APP: variants seen among roughly 807,000 people sequenced by gnomAD.
APP encodes the protein amyloid-beta precursor protein.
A neutral mutation model predicts 101.4 loss-of-function variants in APP; 31 were observed. The observed-to-expected ratio is 0.31, with a 90% CI of 0.23 to 0.41. The LOEUF is 0.41. APP is among the 10% of genes least tolerant of loss of function. The pLI, the probability that APP is intolerant of heterozygous loss-of-function variation, is 1.00. For missense variants in APP, 839 were observed against 1,003.7 expected (o/e 0.84, Z 2.22); for synonymous variants, 366 against 364.4 (o/e 1.00, Z -0.05).
chr21:26,049,183 T>TG (rs1385257191), intron 5 of APP, among the ~76,000 whole-genome samples: 4 of 151,402 alleles, frequency 2.6e-5, no homozygotes, highest in African/African-American at 9.7e-5. Context: ...CCTGGGGGTG[T>TG]GGGGGAGAGG....
intron 16 of APP, among the ~76,000 whole-genome samples, chr21:25,893,151 G>T (rs983080708): frequency 3.4e-4 from 52 of 151,994 alleles, no homozygotes; most frequent in Admixed American, 3.0e-3. Context: ...AATTGTTTTG[G>T]AGTGTCATGA....
In APP at chr21:26,099,773, AG is replaced by A. The variant is rs1487312796; in HGVS notation, c.226-9702del. 3.5e-4 allele frequency among the ~76,000 whole-genome samples: 53 copies of A among 152,208 alleles called. 1 individual carries two copies. Among genetic ancestry groups the A allele is most frequent in the Admixed American group, 2.6e-4 (4 of 15,278 alleles). On this transcript the variant is annotated intron_variant, in intron 2 of 17. Transcript: ENST00000346798. ...AACGTTCTCTGCTTGCAACTTAATG[AG>A]GCGCTGAGAGGCAGCGTGCAGCTGA... is the stretch of plus-strand genomic sequence containing the variant.
At chr21:25,980,603 T>C (rs2042391158) in intron 9 of APP, among the ~76,000 whole-genome samples, 1 of 152,230 alleles carries the variant, frequency 6.6e-6, no homozygotes, top group African/African-American at 2.4e-5. Flanking sequence ...TAAGGCTTTT[T>C]TCCTCTTTAT....
chr21:25,906,693 G>C (rs972025453), intron 14 of APP, among the ~76,000 whole-genome samples: 17 of 152,082 alleles, frequency 1.1e-4, no homozygotes, highest in Admixed American at 1.0e-3. Context: ...GCAGCAACCT[G>C]TAATGAGTAA....
chr21:26,079,272 C>G (rs958288207), intron 3 of APP, among the ~76,000 whole-genome samples: 2 of 152,080 alleles, frequency 1.3e-5, no homozygotes, highest in Non-Finnish European at 2.9e-5. Flanking sequence ...GATTCCTCAT[C>G]ATAACCATTT....
At chr21:25,892,324 A>G (rs1229773855) in intron 16 of APP, among the ~76,000 whole-genome samples, 1 of 152,156 alleles carries the variant, frequency 6.6e-6, no homozygotes, top group Admixed American at 6.5e-5. Context: ...CTGAGCCCTG[A>G]TGTGTGACTC....
In APP at chr21:25,886,350, C is replaced by G. The variant is rs572671209; in HGVS notation, c.2212-4579G>C. On this transcript the variant is annotated intron_variant, in intron 17 of 17. Coordinates refer to ENST00000346798, the MANE Select transcript of APP (RefSeq NM_000484.4). ...AGTTGACTATGTTTATGGCCAACAT[C>G]AAGCAATTCTTCAGGCAGGTTCAGG... is the stretch of plus-strand genomic sequence containing the variant. Among the ~76,000 whole-genome samples the G allele has an allele frequency of 2.7e-3, 407 of 152,118 alleles. 3 individuals are homozygous for G. The highest frequency in any genetic ancestry group is 8.7e-3 in the South Asian group (42 of 4,804).
intron 13 of APP, among the ~76,000 whole-genome samples, chr21:25,922,868 G>C (rs992078535): frequency 2.1e-5 from 2 of 95,382 alleles, no homozygotes; most frequent in African/African-American, 4.8e-5. Context: ...TCACAGAATT[G>C]GAAAAAACTA....
intron 2 of APP, among the ~76,000 whole-genome samples, chr21:26,100,616 C>A (rs888109882): frequency 2.0e-5 from 3 of 152,132 alleles, no homozygotes; most frequent in Non-Finnish European, 4.4e-5. Flanking sequence ...GTCTGGGAAT[C>A]CCATGTTCAG....
chr21:25,961,361 G>C (rs547221917), intron 11 of APP, among the ~76,000 whole-genome samples: 1 of 152,308 alleles, frequency 6.6e-6, no homozygotes, highest in South Asian at 2.1e-4. Flanking sequence ...TCCTGAGGCC[G>C]TGTCACAGGT....
intron 6 of APP, among the ~76,000 whole-genome samples, chr21:26,000,477 G>A (rs564340477): frequency 3.3e-5 from 5 of 152,258 alleles, no homozygotes; most frequent in South Asian, 4.2e-4. Flanking sequence ...ATGAAATGAC[G>A]GAAGGTATCT....
intron 1 of APP, among the ~76,000 whole-genome samples, chr21:26,154,745 C>T (rs1292692378): frequency 3.3e-5 from 5 of 152,144 alleles, no homozygotes; most frequent in African/African-American, 4.8e-5. Flanking sequence ...TTTTGAACAA[C>T]TCAACATCTC....
intron 2 of APP, among the ~76,000 whole-genome samples, chr21:26,103,418 T>TGG (rs1212971712): frequency 6.6e-6 from 1 of 151,900 alleles, no homozygotes; most frequent in Non-Finnish European, 1.5e-5. Flanking sequence ...CTAGCCAACA[T>TGG]GGTGAAACCC....
intron 14 of APP, among the ~76,000 whole-genome samples, chr21:25,911,211 C>T (rs186669951): frequency 1.3e-5 from 2 of 152,246 alleles, no homozygotes; most frequent in East Asian, 3.9e-4. Context: ...CTTTATGTAT[C>T]CACTTTTGTT....
At chr21:26,146,501 T>C (rs577288604) in intron 1 of APP, among the ~76,000 whole-genome samples, 2 of 152,256 alleles carry the variant, frequency 1.3e-5, no homozygotes, top group Non-Finnish European at 2.9e-5. Flanking sequence ...TACTATAAAA[T>C]TCTTTGCCTT....
chr21:26,164,812 C>G (rs537523960), intron 1 of APP, among the ~76,000 whole-genome samples: 38 of 148,944 alleles, frequency 2.6e-4, no homozygotes, highest in African/African-American at 9.2e-4. Context: ...GCCGAGATCG[C>G]GCCACTGCAC....
At chr21:26,107,212 G>A (rs1056186993) in intron 2 of APP, among the ~76,000 whole-genome samples, 5 of 152,122 alleles carry the variant, frequency 3.3e-5, no homozygotes, top group Non-Finnish European at 7.4e-5. Flanking sequence ...GGATACTGCA[G>A]ACACCCCATA....
At chr21:26,024,028 A>C (rs2044461816) in intron 5 of APP, among the ~76,000 whole-genome samples, 1 of 152,216 alleles carries the variant, frequency 6.6e-6, no homozygotes, top group African/African-American at 2.4e-5. Context: ...TCTAGAACAA[A>C]ATTAAAAAGG....
At chr21:26,092,916 CAGT>C (rs200806254) in intron 2 of APP, among the ~76,000 whole-genome samples, 2,394 of 152,260 alleles carry the variant, frequency 0.016, 55 homozygotes, top group African/African-American at 0.054. Context: ...GGGATAAACT[CAGT>C]GGTAGAGGTA....
Sources: allele counts gnomAD v4.1 joint callset (sites outside exome capture counted in the v4.1 genomes callset), GRCh38; gene constraint gnomAD v4.1.1; transcripts MANE v1.5; gene names NCBI Gene and HGNC (gene_info 2026-07-23, HGNC 2026-07-21).